RAPGEF3: variants seen among roughly 807,000 people sequenced by gnomAD.
RAPGEF3 encodes 9330170P05Rik.
In RAPGEF3, 103 loss-of-function variants were observed where a neutral mutation model predicts 129.8. The observed-to-expected ratio is 0.79, with a 90% CI of 0.68 to 0.93. The LOEUF is 0.93. Among genes scored for constraint, RAPGEF3 ranks in the 40% least tolerant of loss-of-function variants. The probability of loss-of-function intolerance (pLI) is 0.00; values close to 1 mark genes in which losing one functional copy is unlikely to be tolerated. For missense variants in RAPGEF3, 1,117 were observed against 1,207.4 expected, an observed-to-expected ratio of 0.93 and a Z score of 1.11; for synonymous variants, 436 against 482.6, an observed-to-expected ratio of 0.90 and a Z score of 1.26.
At chr12:47,747,950 A>G (rs933659837) in intron 13 of RAPGEF3, 88 bp from the exon 14 acceptor site, 70 of 1,587,144 alleles carry the variant, frequency 4.4e-5, no homozygotes, top group Admixed American at 6.8e-5. Flanking sequence ...GCCCCTGGCA[A>G]GCTGGGCCTG....
At chr12:47,739,321 C>T (rs1940993722) in intron 23 of RAPGEF3, 91 bp from the exon 24 acceptor site, 2 of 1,000,258 alleles carry the variant, frequency 2.0e-6, no homozygotes, top group Admixed American at 2.0e-5. Flanking sequence ...GCCCATCCCA[C>T]AGCAGGTGCA....
intron 19 of RAPGEF3, 83 bp downstream of exon 19, chr12:47,741,422 C>T (rs1339094450): frequency 1.5e-6 from 2 of 1,361,424 alleles, no homozygotes; most frequent in East Asian, 2.3e-5. Flanking sequence ...CCCTCTTCTC[C>T]CTGGGACCCT....
chr12:47,753,243 G>A (rs1316340056), intron 2 of RAPGEF3, among the ~76,000 whole-genome samples: 1 of 152,164 alleles, frequency 6.6e-6, no homozygotes, highest in African/African-American at 2.4e-5. Context: ...ACTCAGTTGC[G>A]CATACTTCGG....
chr12:47,752,387 C>T (rs923380052), intron 2 of RAPGEF3, among the ~76,000 whole-genome samples: 4 of 152,194 alleles, frequency 2.6e-5, no homozygotes, highest in African/African-American at 7.2e-5. Flanking sequence ...TGGGAACATC[C>T]GCTCCTGGGC....
rs1565762119 is a variant in RAPGEF3, at chr12:47,749,951, G to A, written c.796C>T (p.His266Tyr). ...TTACACACGGTCCCTGCCTTGCTGT[G>A]TGGTTCAAAGAGCAGAACAGCCGCT... is the stretch of plus-strand genomic sequence containing the variant. ...ELAAVLLFEP[H>Y]SKAGTVLFSQ... The change falls in exon 8 of 28, where the codon CAC (histidine) becomes TAC (tyrosine). Residue 266 changes from histidine to tyrosine, a missense_variant. His to Tyr is a moderately conservative substitution (Grantham distance 83). Transcript: ENST00000449771. The surrounding 1 kb of genome is among the most constrained non-coding windows in gnomAD (Gnocchi z 4.5). The A allele has an allele frequency of 6.2e-7, 1 of 1,614,260 alleles. No homozygotes were observed. The highest frequency in any genetic ancestry group is 8.5e-7 in the Non-Finnish European group (1 of 1,180,046).
rs1204970913 is a variant in RAPGEF3, at chr12:47,751,539, G to T, written c.381-19C>A. ...GCACTGCCTATGGAAGGTAGAAGGG[G>T]ACAGGCCAGTGGAAGGAGGGTGGCA... On this transcript the variant is annotated intron_variant, in intron 4 of 27. Transcript: ENST00000449771. The T allele has an allele frequency of 6.2e-7, 1 of 1,614,118 alleles. No homozygotes were observed.
At position 47,738,075 on chromosome 12, in the gene RAPGEF3, C is replaced by T. The variant is rs764858235; in HGVS notation, c.2600G>A (p.Arg867Lys). ...CTCGTGGAGGTGGGAAACTCGGCTTCTGAGTGGTGAGAGAGGCACTGCGGG... is the reference window on the plus strand; with the variant it reads ...CTCGTGGAGGTGGGAAACTCGGCTTTTGAGTGGTGAGAGAGGCACTGCGGG... ...SHNPVPLSPLRSRVSHLHEDS... is the reference protein window; with the variant it reads ...SHNPVPLSPLKSRVSHLHEDS... Residue 867 changes from arginine (R) to lysine (K), a missense_variant, in exon 27 of 28, where the codon AGA becomes AAA. Transcript: ENST00000449771. The T allele has an allele frequency of 3.2e-6, 5 of 1,585,550 alleles. No individual in the cohort carries two copies. Among genetic ancestry groups the T allele is most frequent in the Non-Finnish European group, 4.3e-6 (5 of 1,163,666 alleles).
intron 16 of RAPGEF3, chr12:47,746,444 C>A: frequency 1.8e-6 from 1 of 549,800 alleles, no homozygotes. Context: ...TAAGCCCCAG[C>A]TGAGAATGGC....
At position 47,748,853 on chromosome 12, in the gene RAPGEF3, C is replaced by T. The variant is rs12422983; in HGVS notation, c.1120G>A (p.Gly374Ser). 214,588 of 1,613,710 alleles carry T rather than the reference C, an allele frequency of 0.13. 15,389 individuals carry two copies. Among genetic ancestry groups the T allele is most frequent in the Middle Eastern group, 0.16 (952 of 6,056 alleles). ...LVLERASQGA[G>S]PSRPPTPGRN... ...CCTGGGGTTGGGGGTCGGGAAGGGCCGGCGCCCTGAGAGGCTCTCTCCAGC... is the reference window on the plus strand; with the variant it reads ...CCTGGGGTTGGGGGTCGGGAAGGGCTGGCGCCCTGAGAGGCTCTCTCCAGC... The change falls in exon 11 of 28, where the codon GGC (glycine) becomes AGC (serine). Residue 374 changes from glycine (G) to serine (S), a missense_variant. Coordinates refer to ENST00000449771, the MANE Select transcript of RAPGEF3 (RefSeq NM_001098531.4).
chr12:47,747,682 C>T (rs368871919), intron 14 of RAPGEF3, 30 bp downstream of exon 14: 1 of 1,612,002 alleles, frequency 6.2e-7, no homozygotes. Flanking sequence ...CCCGGGCAGC[C>T]CAGCCCCGCT....
At chr12:47,743,287 A>G (rs1941258759) in intron 18 of RAPGEF3, among the ~76,000 whole-genome samples, 1 of 152,258 alleles carries the variant, frequency 6.6e-6, no homozygotes. Flanking sequence ...GCCAGAGGAC[A>G]CACAGATGGT....
At chr12:47,743,926 G>T in intron 17 of RAPGEF3, 61 bp downstream of exon 17, 1 of 1,509,712 alleles carries the variant, frequency 6.6e-7, no homozygotes, top group South Asian at 1.1e-5. Context: ...AGCAGGACAA[G>T]AGAGGCAGAG....
At chr12:47,748,585 C>G (rs1377630713) in intron 11 of RAPGEF3, 43 bp from the exon 12 acceptor site, 1 of 1,482,304 alleles carries the variant, frequency 6.7e-7, no homozygotes, top group East Asian at 2.3e-5. Context: ...CCACTACTCC[C>G]CACTCCCACA....
rs377572251 is a variant in RAPGEF3 at position 47,740,159 on chromosome 12, G to A, written c.2355C>T (p.Ser785=). ...CACTCACCAGCAGCCTCTCGAGGGC[G>A]GAGTACAGCTTCCGGACTTTGTGAG... The part of the protein sequence containing the change: ...RLPHKVRKLY[S]ALERLLDPSW... Residue 785 remains serine (S), a synonymous_variant, in exon 23 of 28, where the codon TCC becomes TCT. Transcript: ENST00000449771. The A allele has an allele frequency of 4.9e-5, 79 of 1,613,266 alleles. No homozygotes were observed. The highest frequency in any genetic ancestry group is 3.3e-4 in the Middle Eastern group (2 of 6,024).
At chr12:47,747,433 A>T in intron 15 of RAPGEF3, 111 bp downstream of exon 15, 1 of 1,046,692 alleles carries the variant, frequency 9.6e-7, no homozygotes, top group Non-Finnish European at 1.4e-6. Flanking sequence ...AATTGAAGTA[A>T]GTGGTGCAGC....
At chr12:47,745,988 A>G (rs1027687939) in intron 16 of RAPGEF3, 1 of 152,350 alleles carries the variant, frequency 6.6e-6, no homozygotes, top group Admixed American at 6.5e-5. Context: ...ACAACTCCAC[A>G]TGGCGAGAGT....
intron 7 of RAPGEF3, 142 bp from the exon 8 acceptor site, chr12:47,750,132 C>T: frequency 8.5e-7 from 1 of 1,173,674 alleles, no homozygotes; most frequent in Non-Finnish European, 1.3e-6. Context: ...CAGGATTCAG[C>T]AGGAGACAAA....
Position 47,739,169 on chromosome 12 carries a change from A to T in RAPGEF3, c.2435T>A (p.Ile812Asn). The change falls in exon 24 of 28, where the codon ATC becomes AAC. Residue 812 changes from isoleucine (I) to asparagine (N), a missense_variant. Around this residue, in one of 3 missense-constraint regions of RAPGEF3, gnomAD observed 643 missense variants for 673.4 expected, o/e 0.95. Transcript: ENST00000449771. ...TTTGAGAAGAAGGGGCATGAAGGGG[A>T]TGACAGGAGGGGAGAGCTTGGCGAG... ...LALAKLSPPV[I>N]PFMPLLLKDM... 6.2e-7 allele frequency: 1 copy of T among 1,606,544 alleles called. No homozygotes were observed. Among genetic ancestry groups the T allele is most frequent in the Non-Finnish European group, 8.5e-7 (1 of 1,176,828 alleles).
In RAPGEF3 at chr12:47,747,536, A is replaced by C; in HGVS notation, c.1556+8T>G. The C allele has an allele frequency of 6.2e-7, 1 of 1,612,854 alleles. No individual in the cohort carries two copies. The highest frequency in any genetic ancestry group is 8.5e-7 in the Non-Finnish European group (1 of 1,179,056). The stretch of plus-strand genomic sequence containing the variant: ...GGAAATGACAAATTAACAGAGTCAA[A>C]GCATCACCTGTGGCATCGCCGCCTC... On this transcript the variant is annotated splice_region_variant and intron_variant, in intron 15 of 27. Transcript: ENST00000449771.
Sources: gnomAD v4.1 joint callset for allele counts (sites outside exome capture counted in the v4.1 genomes callset) on GRCh38, gnomAD v4.1.1 for gene constraint, gnomAD v4.1.1 regional missense constraint, Gnocchi (gnomAD v3.1) non-coding constraint, MANE v1.5 for transcripts, NCBI Gene and HGNC (gene_info 2026-07-23, HGNC 2026-07-21) for gene names.